SNX12: variants seen among roughly 807,000 people sequenced by gnomAD.
SNX12 encodes the protein sorting nexin-12.
For synonymous variants in SNX12, 47 were observed against 56.0 expected, an observed-to-expected ratio of 0.84 and a Z score of 0.71; for missense variants, 62 against 141.3, an observed-to-expected ratio of 0.44 and a Z score of 2.84.
chrX:71,062,545 G>T (rs1479619128), intron 2 of SNX12, among the ~76,000 whole-genome samples: 3 of 109,862 alleles, frequency 2.7e-5, no homozygotes, highest in South Asian at 7.8e-4. Context: ...GCTGATTCTT[G>T]TATTTTTAGT....
chrX:71,067,620 T>C (rs1300095685), intron 1 of SNX12, among the ~76,000 whole-genome samples: 3 of 112,415 alleles, frequency 2.7e-5, no homozygotes, highest in Non-Finnish European at 3.8e-5. Context: ...GCCTACTGTC[T>C]GCCTTTTCTG....
At chrX:71,068,090 CGCTCG>C in intron 1 of SNX12, 47 bp downstream of exon 1, 2 of 1,098,275 alleles carry the variant, frequency 1.8e-6, no homozygotes, top group Admixed American at 2.6e-5. Flanking sequence ...TCCCCCCTCC[CGCTCG>C]CGCCGCCCGG....
chrX:71,062,449 T>G (rs1569476736), intron 2 of SNX12, among the ~76,000 whole-genome samples: 1 of 99,901 alleles, frequency 1.0e-5, no homozygotes, highest in Non-Finnish European at 2.0e-5. Context: ...CTCAGCTAAC[T>G]GCAACCTCTG....
intron 1 of SNX12, among the ~76,000 whole-genome samples, chrX:71,064,197 A>G (rs1018125074): frequency 9.0e-6 from 1 of 111,708 alleles, no homozygotes; most frequent in Middle Eastern, 4.2e-3. Flanking sequence ...CCCTGTAAAG[A>G]GATAAACACA....
At chrX:71,068,060 T>C in intron 1 of SNX12, 82 bp downstream of exon 1, 1 of 976,201 alleles carries the variant, frequency 1.0e-6, no homozygotes, top group South Asian at 2.4e-5. Context: ...CGCCGTTAGT[T>C]GCCCCCGCGG....
At chrX:71,069,458 TAAAC>T (rs1258092597), upstream of SNX12, among the ~76,000 whole-genome samples, 7 of 112,434 alleles carry the variant, frequency 6.2e-5, no homozygotes, top group African/African-American at 2.3e-4. Flanking sequence ...GGGAGACAAG[TAAAC>T]AAAACTAATA....
At chrX:71,066,734 C>T (rs1214001488) in intron 1 of SNX12, among the ~76,000 whole-genome samples, 1 of 110,979 alleles carries the variant, frequency 9.0e-6, no homozygotes, top group African/African-American at 3.3e-5. Context: ...GCCCAAGCTC[C>T]CTCAGGTAAC....
upstream of SNX12, chrX:71,068,359 G>A (rs2092162852): frequency 9.6e-7 from 1 of 1,041,842 alleles, no homozygotes; most frequent in Non-Finnish European, 1.3e-6. Flanking sequence ...ACAGAGGCCT[G>A]AGGCAGGAGC....
At chrX:71,069,554 C>A (rs777870257), upstream of SNX12, among the ~76,000 whole-genome samples, 109 of 112,259 alleles carry the variant, frequency 9.7e-4, 1 homozygote, top group Middle Eastern at 0.018. Flanking sequence ...GGAGGTTCCC[C>A]TGGAGGAGGA....
At chrX:71,068,085 C>A (rs749558212) in intron 1 of SNX12, 57 bp downstream of exon 1, 15 of 1,083,853 alleles carry the variant, frequency 1.4e-5, no homozygotes, top group Middle Eastern at 2.5e-4. Context: ...CTCCCTCCCC[C>A]CTCCCGCTCG....
chrX:71,073,014 CT>C (rs1373619560), upstream of SNX12, among the ~76,000 whole-genome samples: 1 of 93,097 alleles, frequency 1.1e-5, no homozygotes, highest in African/African-American at 4.0e-5. Flanking sequence ...CAGTTATCCT[CT>C]GTACCTCAGT....
At chrX:71,065,007 G>A (rs1250615465) in intron 1 of SNX12, among the ~76,000 whole-genome samples, 1 of 112,541 alleles carries the variant, frequency 8.9e-6, no homozygotes, top group Non-Finnish European at 1.9e-5. Flanking sequence ...CAAGGTCCAA[G>A]GAATGTCAAT....
upstream of SNX12, among the ~76,000 whole-genome samples, chrX:71,068,648 G>T (rs2147708614): frequency 8.8e-6 from 1 of 113,152 alleles, no homozygotes; most frequent in South Asian, 3.6e-4. Context: ...CTCAACCCAA[G>T]AAATTGTCTC....
intron 1 of SNX12, 42 bp downstream of exon 1, chrX:71,068,100 G>C: frequency 1.6e-5 from 11 of 687,039 alleles, no homozygotes; most frequent in South Asian, 1.4e-4. Context: ...CGCTCGCGCC[G>C]CCCGGTCCTC....
At chrX:71,066,196 G>T (rs2092152685) in intron 1 of SNX12, among the ~76,000 whole-genome samples, 1 of 111,982 alleles carries the variant, frequency 8.9e-6, no homozygotes, top group Non-Finnish European at 1.9e-5. Context: ...AGTTTCCCAT[G>T]TGTAAAACGA....
upstream of SNX12, chrX:71,068,376 G>A (rs2092162945): frequency 4.3e-6 from 4 of 921,816 alleles, no homozygotes; most frequent in East Asian, 3.7e-5. Context: ...GAGCGCGCAC[G>A]GCCCCTCCCG....
chrX:71,064,761 C>T lies in SNX12; in HGVS notation c.166-1812G>A, dbSNP rs1446855756. ...GTATTAATACTGACCATATTTACTG[C>T]CAGTCAATTCAGGTGAGAGGATGAA... On this transcript the variant is annotated intron_variant, in intron 1 of 3. Transcript: ENST00000374274. 2.7e-5 allele frequency among the ~76,000 whole-genome samples: 3 copies of T among 113,079 alleles called. No homozygotes were observed. The Admixed American group carries it at 2.8e-4, about 11-fold the overall frequency.
In SNX12 at chrX:71,060,020, G is replaced by C; in HGVS notation, c.*996C>G. On this transcript the variant is annotated 3_prime_UTR_variant, in exon 4 of 4. Transcript: ENST00000374274. Reference sequence around the variant, plus strand: ...CTCAAAGTGCTTAGGAGAAGTCAGAGACTGTGTGGTTGGTTTGTGTGCTTC... The same window carrying C: ...CTCAAAGTGCTTAGGAGAAGTCAGACACTGTGTGGTTGGTTTGTGTGCTTC... 1 of 112,159 alleles carries C rather than the reference G, an allele frequency of 8.9e-6. No individual in the cohort carries two copies. Among genetic ancestry groups the C allele is most frequent in the Middle Eastern group, 4.6e-3 (1 of 219 alleles). The allele number at this position is 112,159 out of a possible 1,213,427, so 9.2% of individuals were successfully genotyped here.
upstream of SNX12, among the ~76,000 whole-genome samples, chrX:71,071,480 TTTATA>T (rs1412407203): frequency 1.3e-5 from 1 of 75,494 alleles, no homozygotes; most frequent in African/African-American, 5.1e-5. Flanking sequence ...ATTATTATAG[TTTATA>T]TTATATATAA....
Sources: gnomAD v4.1 joint callset for allele counts (sites outside exome capture counted in the v4.1 genomes callset) on GRCh38, gnomAD v4.1.1 for gene constraint, MANE v1.5 for transcripts, NCBI Gene and HGNC (gene_info 2026-07-23, HGNC 2026-07-21) for gene names.